MSRA: variants seen among roughly 807,000 people sequenced by gnomAD.
MSRA encodes methionine sulfoxide reductase A, also known as mitochondrial peptide methionine sulfoxide reductase.
A neutral mutation model predicts 31.3 loss-of-function variants in MSRA; 54 were observed. The ratio of observed to expected loss-of-function variants is 1.73; its 90% CI spans 1.39 to 2.17. The LOEUF is 2.17. Among genes scored for constraint, MSRA ranks in the 30% most tolerant of loss-of-function variants. The probability of loss-of-function intolerance (pLI) is 0.00; values close to 1 mark genes in which losing one functional copy is unlikely to be tolerated. For synonymous variants in MSRA, 169 were observed against 116.5 expected (o/e 1.45, Z -2.90); for missense variants, 507 against 300.9 (o/e 1.69, Z -5.07).
chr8:10,236,093 C>G lies in MSRA; in HGVS notation c.212-9011C>G, dbSNP rs113386490. 3.1e-3 allele frequency among the ~76,000 whole-genome samples: 474 copies of G among 152,190 alleles called. 9 individuals are homozygous for G. Among genetic ancestry groups the G allele is most frequent in the African/African-American group, 0.011 (456 of 41,530 alleles). ...TTCAGAACTCATGCATGATAAAAAG[C>G]TTTTCAAAGTAAGAATGGAAGGAAA... On this transcript the variant is annotated intron_variant, in intron 2 of 5. Transcript: ENST00000317173.
chr8:10,186,875 A>G (rs1807101518), intron 1 of MSRA, among the ~76,000 whole-genome samples: 1 of 152,178 alleles, frequency 6.6e-6, no homozygotes, highest in African/African-American at 2.4e-5. Context: ...GTATGGAGAA[A>G]AAGATCTTGC....
At chr8:10,316,527 C>CCG (rs1171484461) in intron 4 of MSRA, among the ~76,000 whole-genome samples, 2 of 112,548 alleles carry the variant, frequency 1.8e-5, no homozygotes, top group East Asian at 3.0e-4. Context: ...TTTGATGATC[C>CCG]CTCTCTCTCT....
intron 1 of MSRA, among the ~76,000 whole-genome samples, chr8:10,058,508 A>G (rs987038041): frequency 6.6e-6 from 1 of 152,248 alleles, no homozygotes; most frequent in African/African-American, 2.4e-5. Context: ...TGATTTTTAT[A>G]GAAGAAATAA....
intron 1 of MSRA, among the ~76,000 whole-genome samples, chr8:10,130,881 T>C (rs1186493733): frequency 6.6e-5 from 10 of 152,172 alleles, no homozygotes; most frequent in Admixed American, 6.5e-4. Context: ...GGAATAGCCT[T>C]CTCAGGTTTT....
chr8:10,278,688 G>C (rs1238317694), intron 3 of MSRA, among the ~76,000 whole-genome samples: 1 of 152,196 alleles, frequency 6.6e-6, no homozygotes, highest in Non-Finnish European at 1.5e-5. Flanking sequence ...TTTTAGAGAT[G>C]AGAGATAGAG....
chr8:10,240,131 C>A (rs371688848), intron 2 of MSRA, among the ~76,000 whole-genome samples: 30 of 152,300 alleles, frequency 2.0e-4, no homozygotes, highest in African/African-American at 6.0e-4. Flanking sequence ...CAAACACGTG[C>A]CAAGAATACA....
At chr8:10,353,179 A>G (rs1400697604) in intron 5 of MSRA, among the ~76,000 whole-genome samples, 1 of 152,210 alleles carries the variant, frequency 6.6e-6, no homozygotes, top group Non-Finnish European at 1.5e-5. Context: ...AGGCAAAGCA[A>G]TGCTCAAGGT....
At chr8:10,132,900 T>G (rs1165586775) in intron 1 of MSRA, among the ~76,000 whole-genome samples, 1 of 152,230 alleles carries the variant, frequency 6.6e-6, no homozygotes, top group Non-Finnish European at 1.5e-5. Context: ...GAACGAGTCT[T>G]GGCCATTTGC....
chr8:10,137,923 A>T (rs1043000264), intron 1 of MSRA, among the ~76,000 whole-genome samples: 2 of 152,216 alleles, frequency 1.3e-5, no homozygotes, highest in African/African-American at 4.8e-5. Context: ...CAAAGGCATT[A>T]TCTCTAGTGT....
At chr8:10,221,264 T>C (rs922665060) in intron 2 of MSRA, among the ~76,000 whole-genome samples, 6 of 152,212 alleles carry the variant, frequency 3.9e-5, no homozygotes, top group African/African-American at 1.4e-4. Context: ...TTTCAATTGC[T>C]GTGAAGGTTT....
intron 5 of MSRA, among the ~76,000 whole-genome samples, chr8:10,342,591 A>G (rs949824112): frequency 1.3e-5 from 2 of 152,190 alleles, no homozygotes; most frequent in African/African-American, 4.8e-5. Context: ...ACAGAGAAGC[A>G]CAGAAGTCAA....
chr8:10,100,460 T>C lies in MSRA; in HGVS notation c.142+45802T>C, dbSNP rs1799458606. ...AGGCTTGGAACTGGAATAGCAGGTA[T>C]TGGGAGAAGGTCAAAGGTCTGTGGC... On this transcript the variant is annotated intron_variant, in intron 1 of 5. Transcript: ENST00000317173. 2.0e-5 allele frequency among the ~76,000 whole-genome samples: 3 copies of C among 151,922 alleles called. No individual in the cohort carries two copies. In the South Asian group the frequency reaches 6.2e-4, roughly 32 times the overall value.
intron 3 of MSRA, among the ~76,000 whole-genome samples, chr8:10,283,836 T>TATATATATACACACACACAC (rs1261287031): frequency 2.1e-3 from 114 of 53,070 alleles, no homozygotes; most frequent in South Asian, 3.0e-3. Context: ...TATATATATA[T>TATATATATACACACACACAC]ACACACACAC....
chr8:10,420,133 A>G (rs551568070), intron 5 of MSRA, among the ~76,000 whole-genome samples: 1 of 152,242 alleles, frequency 6.6e-6, no homozygotes, highest in Non-Finnish European at 1.5e-5. Flanking sequence ...GACGCATGCC[A>G]CCTCCTGGAG....
intron 3 of MSRA, among the ~76,000 whole-genome samples, chr8:10,256,411 C>G (rs577582043): frequency 1.3e-5 from 2 of 152,102 alleles, no homozygotes; most frequent in Admixed American, 6.5e-5. Flanking sequence ...TTGACAATTA[C>G]GGATGAAGCT....
chr8:10,108,806 A>AT (rs11450322), intron 1 of MSRA, among the ~76,000 whole-genome samples: 32,569 of 149,000 alleles, frequency 0.22, 3,631 homozygotes, highest in East Asian at 0.41. Flanking sequence ...TTGTTGGGAA[A>AT]TTTTTTTTTT....
intron 3 of MSRA, among the ~76,000 whole-genome samples, chr8:10,259,224 C>T (rs1018672057): frequency 6.6e-6 from 1 of 152,120 alleles, no homozygotes; most frequent in Non-Finnish European, 1.5e-5. Flanking sequence ...CACTCTCTGG[C>T]AAAACTGAGG....
At chr8:10,196,411 C>T (rs1807993800) in intron 1 of MSRA, among the ~76,000 whole-genome samples, 3 of 152,164 alleles carry the variant, frequency 2.0e-5, no homozygotes, top group East Asian at 1.9e-4. Context: ...GGACTCTGTA[C>T]AACACTGAGA....
chr8:10,092,419 G>A (rs879511084), intron 1 of MSRA, among the ~76,000 whole-genome samples: 1 of 152,182 alleles, frequency 6.6e-6, no homozygotes, highest in Non-Finnish European at 1.5e-5. Flanking sequence ...AGCAGTTTGG[G>A]AGGCCGAGGT....
Sources: gnomAD v4.1 joint callset for allele counts (sites outside exome capture counted in the v4.1 genomes callset) on GRCh38, gnomAD v4.1.1 for gene constraint, MANE v1.5 for transcripts, NCBI Gene and HGNC (gene_info 2026-07-23, HGNC 2026-07-21) for gene names.